Variants in MACROD2 observed in about 807,000 individuals in gnomAD.
MACROD2 encodes ADP-ribose glycohydrolase MACROD2.
A neutral mutation model predicts 70.4 loss-of-function variants in MACROD2; 36 were observed. That is an observed-to-expected ratio of 0.51 (90% CI 0.39 to 0.68). The LOEUF (loss-of-function observed/expected upper bound fraction) is 0.68, where lower values mean the gene tolerates loss of function less well. Ranked by LOEUF, MACROD2 falls within the 30% of genes least tolerant of loss-of-function variation. The pLI, the probability that MACROD2 is intolerant of heterozygous loss-of-function variation, is 0.00. For missense variants in MACROD2, 496 were observed against 538.4 expected, an observed-to-expected ratio of 0.92 and a Z score of 0.78; for synonymous variants, 172 against 178.8, an observed-to-expected ratio of 0.96 and a Z score of 0.30.
intron 15 of MACROD2, among the ~76,000 whole-genome samples, chr20:15,997,285 G>A (rs560968932): frequency 9.9e-5 from 15 of 152,146 alleles, no homozygotes; most frequent in Non-Finnish European, 1.5e-4. Context: ...TGTATAGATC[G>A]ATTTAGGTAT....
At chr20:15,516,012 C>T (rs964675453) in intron 8 of MACROD2, among the ~76,000 whole-genome samples, 4 of 152,222 alleles carry the variant, frequency 2.6e-5, no homozygotes, top group Non-Finnish European at 4.4e-5. Flanking sequence ...ATCTGTTGAT[C>T]TATAGCTGAT....
intron 8 of MACROD2, among the ~76,000 whole-genome samples, chr20:15,513,083 C>T (rs1254499525): frequency 6.6e-6 from 1 of 152,174 alleles, no homozygotes; most frequent in East Asian, 1.9e-4. Context: ...GAAATAGGAT[C>T]CATATGTCCC....
intron 3 of MACROD2, among the ~76,000 whole-genome samples, chr20:14,202,457 G>A (rs915982845): frequency 1.2e-4 from 18 of 152,098 alleles, no homozygotes; most frequent in African/African-American, 4.3e-4. Flanking sequence ...TACTCCATGA[G>A]AATTTTTCAT....
At chr20:14,695,595 T>C (rs1236590314) in intron 5 of MACROD2, among the ~76,000 whole-genome samples, 1 of 150,582 alleles carries the variant, frequency 6.6e-6, no homozygotes, top group African/African-American at 2.5e-5. Flanking sequence ...GAAAACCAGC[T>C]ACCATGTTGT....
intron 5 of MACROD2, among the ~76,000 whole-genome samples, chr20:14,753,405 C>T (rs762675931): frequency 1.3e-5 from 2 of 152,010 alleles, no homozygotes; most frequent in Non-Finnish European, 2.9e-5. Flanking sequence ...ATATTTTCAA[C>T]AAATGTGTAA....
chr20:14,510,957 G>A (rs6042772), intron 4 of MACROD2, among the ~76,000 whole-genome samples: 8,095 of 152,132 alleles, frequency 0.053, 709 homozygotes, highest in African/African-American at 0.18. Context: ...ATAAAATGCT[G>A]TGGGTGTAGG....
intron 5 of MACROD2, among the ~76,000 whole-genome samples, chr20:14,949,774 T>G (rs569793470): frequency 1.1e-4 from 17 of 152,314 alleles, no homozygotes; most frequent in African/African-American, 4.1e-4. Context: ...GGCACAAGAC[T>G]GATATAATGG....
intron 15 of MACROD2, among the ~76,000 whole-genome samples, chr20:15,992,892 C>G (rs2147483566): frequency 1.3e-5 from 2 of 152,278 alleles, no homozygotes; most frequent in South Asian, 2.1e-4. Context: ...AGTTCTACAA[C>G]TCAACTCTCT....
At chr20:15,926,759 C>A (rs558482469) in intron 10 of MACROD2, among the ~76,000 whole-genome samples, 49 of 152,278 alleles carry the variant, frequency 3.2e-4, no homozygotes, top group Admixed American at 1.6e-3. Flanking sequence ...AGCACAGAGG[C>A]CAGCATGGCT....
chr20:14,274,985 A>C (rs1420669140), intron 3 of MACROD2, among the ~76,000 whole-genome samples: 1 of 152,214 alleles, frequency 6.6e-6, no homozygotes, highest in Admixed American at 6.5e-5. Flanking sequence ...CCAGCGCTCA[A>C]TGAAATAAAA....
chr20:14,640,802 A>T (rs1423787928), intron 4 of MACROD2, among the ~76,000 whole-genome samples: 1 of 152,240 alleles, frequency 6.6e-6, no homozygotes, highest in African/African-American at 2.4e-5. Context: ...AATATTACTT[A>T]AAAAATGCTA....
At chr20:14,832,769 G>A (rs923309349) in intron 5 of MACROD2, among the ~76,000 whole-genome samples, 1 of 152,156 alleles carries the variant, frequency 6.6e-6, no homozygotes, top group South Asian at 2.1e-4. Flanking sequence ...AAGATCTTGA[G>A]TGCAAGCAGT....
intron 2 of MACROD2, among the ~76,000 whole-genome samples, chr20:14,033,310 T>C (rs1406153478): frequency 6.6e-6 from 1 of 152,146 alleles, no homozygotes; most frequent in Non-Finnish European, 1.5e-5. Context: ...TTAACTCTTG[T>C]GTCAGTATGC....
At chr20:15,680,929 A>G (rs768160713) in intron 8 of MACROD2, among the ~76,000 whole-genome samples, 2 of 152,244 alleles carry the variant, frequency 1.3e-5, no homozygotes, top group Non-Finnish European at 2.9e-5. Context: ...CATTTGAATA[A>G]AACTCATCAC....
chr20:14,304,259 C>T (rs947999600), intron 3 of MACROD2, among the ~76,000 whole-genome samples: 4 of 152,090 alleles, frequency 2.6e-5, no homozygotes, highest in African/African-American at 4.8e-5. Flanking sequence ...TCATCTGAAC[C>T]GAACATAATA....
intron 7 of MACROD2, among the ~76,000 whole-genome samples, chr20:15,497,931 G>A (rs975805224): frequency 6.6e-6 from 1 of 152,156 alleles, no homozygotes; most frequent in African/African-American, 2.4e-5. Context: ...AGCTACTCGT[G>A]TGGGGTTCAG....
At chr20:15,275,009 G>T (rs2077378084) in intron 6 of MACROD2, among the ~76,000 whole-genome samples, 1 of 152,058 alleles carries the variant, frequency 6.6e-6, no homozygotes, top group African/African-American at 2.4e-5. Context: ...ACAAGAAGCA[G>T]CCCAGGGTAT....
chr20:14,196,446 G>A (rs908217122), intron 3 of MACROD2, among the ~76,000 whole-genome samples: 18 of 152,276 alleles, frequency 1.2e-4, no homozygotes, highest in South Asian at 1.0e-3. Context: ...TTAAAATTAC[G>A]TTTGTTATAA....
intron 3 of MACROD2, among the ~76,000 whole-genome samples, chr20:14,157,298 G>A (rs751039950): frequency 1.4e-4 from 22 of 152,084 alleles, no homozygotes; most frequent in Middle Eastern, 3.4e-3. Flanking sequence ...TATTTATGGG[G>A]CACATGCAAA....
Sources: gnomAD v4.1 joint callset for allele counts (sites outside exome capture counted in the v4.1 genomes callset) on GRCh38, gnomAD v4.1.1 for gene constraint, MANE v1.5 for transcripts, NCBI Gene and HGNC (gene_info 2026-07-23, HGNC 2026-07-21) for gene names.